Variants in ACAP1 observed in about 807,000 individuals in gnomAD.
ACAP1 encodes ArfGAP with coiled-coil, ankyrin repeat and PH domains 1.
Under a neutral mutation model 98.8 loss-of-function variants are expected in ACAP1, and 45 were observed. That is an observed-to-expected ratio of 0.46 (90% CI 0.36 to 0.58). The LOEUF (loss-of-function observed/expected upper bound fraction) is 0.58, where lower values mean the gene tolerates loss of function less well. Ranked by LOEUF, ACAP1 falls within the 20% of genes least tolerant of loss-of-function variation. The pLI is 0.00. For missense variants in ACAP1, 735 were observed against 971.4 expected (o/e 0.76, Z 3.24); for synonymous variants, 362 against 375.3 (o/e 0.96, Z 0.41).
At chr17:7,346,651 G>A in intron 12 of ACAP1, 157 bp from the exon 13 acceptor site, 1 of 1,144,324 alleles carries the variant, frequency 8.7e-7, no homozygotes, top group South Asian at 1.5e-5. Flanking sequence ...GGTACAGGGT[G>A]ATGGGGGATA....
Position 7,343,732 on chromosome 17 carries a change from G to T in ACAP1, c.555G>T (p.Lys185Asn). The change falls in exon 7 of 22, where the codon AAG becomes AAT. Residue 185 changes from lysine to asparagine, a missense_variant. By Grantham distance (94) the Lys-to-Asn change is moderately conservative. This residue lies in a region of ACAP1 where 430 missense variants were observed against 531.8 expected (regional missense o/e 0.81). Transcript: ENST00000158762. This position sits in a 1 kb window ranked among gnomAD's most constrained non-coding sequence, Gnocchi z 4.9. The stretch of plus-strand genomic sequence containing the variant: ...TCAACGTGATTGAGGACAAGAGGAA[G>T]TTTGACATCATGGAGTTTGTGAGTT... ...LQINVIEDKR[K>N]FDIMEFVLRL... 1.2e-6 allele frequency: 2 copies of T among 1,614,180 alleles called. No individual in the cohort carries two copies. Among genetic ancestry groups the T allele is most frequent in the Non-Finnish European group, 1.7e-6 (2 of 1,180,030 alleles).
At position 7,343,571 on chromosome 17, in the gene ACAP1, C is replaced by T. The variant is rs762258145; in HGVS notation, c.528+9C>T. On this transcript the variant is annotated intron_variant, in intron 6 of 21. Transcript: ENST00000158762. The surrounding 1 kb of genome is among the most constrained non-coding windows in gnomAD (Gnocchi z 4.9). ...TGGATTATGCCCTGCAGGTGCCTGC[C>T]CCAATCTGTCTTCCTGGGGTACCAG... The T allele has an allele frequency of 1.5e-5, 24 of 1,607,400 alleles. No homozygotes were observed. In the South Asian group the frequency reaches 2.5e-4, roughly 17 times the overall value.
At chr17:7,348,769 C>A in intron 17 of ACAP1, 1 of 588,718 alleles carries the variant, frequency 1.7e-6, no homozygotes, top group Non-Finnish European at 2.9e-6. Context: ...TGTGGTTGGA[C>A]CAGATGAGGT....
intron 14 of ACAP1, 158 bp from the exon 15 acceptor site, chr17:7,347,764 T>C (rs996666269): frequency 6.3e-6 from 4 of 634,510 alleles, no homozygotes; most frequent in African/African-American, 1.8e-5. Flanking sequence ...CAAGGCTACA[T>C]GGCGGTTACA....
intron 18 of ACAP1, 170 bp from the exon 19 acceptor site, chr17:7,349,775 A>G: frequency 1.7e-6 from 1 of 575,102 alleles, no homozygotes; most frequent in Non-Finnish European, 3.1e-6. Context: ...GAATACATGC[A>G]AAGAGCTAGA....
intron 2 of ACAP1, among the ~76,000 whole-genome samples, chr17:7,339,351 C>A (rs765703994): frequency 4.6e-5 from 7 of 152,074 alleles, no homozygotes; most frequent in Non-Finnish European, 1.0e-4. Flanking sequence ...TGGCTCACGC[C>A]TGTAATCCCA....
chr17:7,337,501 G>C, intron 2 of ACAP1, 132 bp downstream of exon 2: 1 of 803,766 alleles, frequency 1.2e-6, no homozygotes, highest in Non-Finnish European at 2.0e-6. Flanking sequence ...TTTGGAGACT[G>C]CAGAGAAGCA....
Position 7,341,945 on chromosome 17 carries a change from C to A in ACAP1, c.112-3C>A. The A allele has an allele frequency of 6.2e-7, 1 of 1,614,110 alleles. No homozygotes were observed. The highest frequency in any genetic ancestry group is 1.1e-5 in the South Asian group (1 of 91,074). On this transcript the variant is annotated splice_region_variant and splice_polypyrimidine_tract_variant and intron_variant, in intron 2 of 21. Coordinates refer to ENST00000158762, the MANE Select transcript of ACAP1 (RefSeq NM_014716.4). Reference sequence around the variant, plus strand: ...GCTCCCTGTTACCCTCCTTCTTTCCCAGCTCCTGAAACTGGGCACTGGTCT... The same window carrying A: ...GCTCCCTGTTACCCTCCTTCTTTCCAAGCTCCTGAAACTGGGCACTGGTCT...
chr17:7,350,835 C>T lies in ACAP1; in HGVS notation c.2073-115C>T. 1 of 1,000,986 alleles carries T rather than the reference C, an allele frequency of 1.0e-6. No individual in the cohort carries two copies. The highest frequency in any genetic ancestry group is 1.6e-6 in the Non-Finnish European group (1 of 642,428). The allele number at this position is 1,000,986 out of a possible 1,614,324, so 62.0% of individuals were successfully genotyped here. On this transcript the variant is annotated intron_variant, in intron 20 of 21. Coordinates refer to ENST00000158762, the MANE Select transcript of ACAP1 (RefSeq NM_014716.4). The surrounding 1 kb of genome is among the most constrained non-coding windows in gnomAD (Gnocchi z 4.6). Reference sequence around the variant, plus strand: ...CCATGTTGGCCAGGACGGTCTCGATCTCCTGACCTCGTGATCCGCCTGCCT... The same window carrying T: ...CCATGTTGGCCAGGACGGTCTCGATTTCCTGACCTCGTGATCCGCCTGCCT...
At chr17:7,349,407 G>A (rs1363823598) in intron 18 of ACAP1, 5 of 448,428 alleles carry the variant, frequency 1.1e-5, no homozygotes, top group Non-Finnish European at 2.0e-5. Flanking sequence ...AGACAGTCTC[G>A]CTCTGTCCCC....
chr17:7,342,768 C>T (rs1163674740), intron 5 of ACAP1: 13 of 445,254 alleles, frequency 2.9e-5, no homozygotes. Context: ...ATTAGCCGGG[C>T]ATGGTGGCAG....
rs778136717 is a variant in ACAP1, at chr17:7,343,821, G to A, written c.574-40G>A. On this transcript the variant is annotated intron_variant, in intron 7 of 21. Coordinates refer to ENST00000158762, the MANE Select transcript of ACAP1 (RefSeq NM_014716.4). This position sits in a 1 kb window ranked among gnomAD's most constrained non-coding sequence, Gnocchi z 4.9. ...CCAGCACAAGGGAATGGGGAGAGGGGTTCTTCCTCAGCCTTCCCACTGCCC... is the reference window on the plus strand; with the variant it reads ...CCAGCACAAGGGAATGGGGAGAGGGATTCTTCCTCAGCCTTCCCACTGCCC... 6.2e-7 allele frequency: 1 copy of A among 1,613,708 alleles called. No individual in the cohort carries two copies. Among genetic ancestry groups the A allele is most frequent in the South Asian group, 1.1e-5 (1 of 91,082 alleles).
At chr17:7,349,417 C>T (rs1170973642) in intron 18 of ACAP1, 3 of 427,192 alleles carry the variant, frequency 7.0e-6, no homozygotes, top group Admixed American at 3.9e-5. Context: ...GCTCTGTCCC[C>T]CAGGCTGGAG....
chr17:7,346,525 T>C, intron 12 of ACAP1, 34 bp downstream of exon 12: 1 of 1,520,656 alleles, frequency 6.6e-7, no homozygotes, highest in Non-Finnish European at 8.9e-7. Flanking sequence ...TACTCTAATA[T>C]ATCTAAACAA....
In ACAP1 at chr17:7,342,054, A is replaced by T. The variant is rs2143016492; in HGVS notation, c.218A>T (p.Glu73Val). 1 of 1,613,932 alleles carries T rather than the reference A, an allele frequency of 6.2e-7. No homozygotes were observed. Among genetic ancestry groups the T allele is most frequent in the East Asian group, 2.2e-5 (1 of 44,884 alleles). ...GACCTGGCCCGCCTGGGTCCACCAG[A>T]GCCCATGATGGCGGTATGCGGAGGG... ...ICDLARLGPP[E>V]PMMAECLEKF... The change falls in exon 3 of 22, where the codon GAG becomes GTG. Residue 73 changes from glutamate (E) to valine (V), a missense_variant. Coordinates refer to ENST00000158762, the MANE Select transcript of ACAP1 (RefSeq NM_014716.4).
In ACAP1 at chr17:7,346,948, G is replaced by A. The variant is rs200413191; in HGVS notation, c.1131+17G>A. 911 of 1,604,416 alleles carry A rather than the reference G, an allele frequency of 5.7e-4. 2 individuals are homozygous for A. The highest frequency in any genetic ancestry group is 6.4e-4 in the Non-Finnish European group (747 of 1,173,648). ...CCAGGCCAGGTACCTTAACCTGGGG[G>A]TGCGGAGCCAGGCTGCCTGTGGAGA... On this transcript the variant is annotated intron_variant, in intron 13 of 21. Coordinates refer to ENST00000158762, the MANE Select transcript of ACAP1 (RefSeq NM_014716.4).
intron 10 of ACAP1, 36 bp from the exon 11 acceptor site, chr17:7,346,208 G>C (rs946517492): frequency 2.5e-6 from 4 of 1,606,872 alleles, no homozygotes; most frequent in Non-Finnish European, 3.4e-6. Flanking sequence ...TCATCCTAAA[G>C]CTGCCTATGT....
chr17:7,344,529 G>C lies in ACAP1; in HGVS notation c.745-10G>C, dbSNP rs753917000. 1 of 1,549,020 alleles carries C rather than the reference G, an allele frequency of 6.5e-7. No homozygotes were observed. The highest frequency in any genetic ancestry group is 1.2e-5 in the South Asian group (1 of 83,980). ...ATCTCAGTTGCCCTTTGATCCTCTT[G>C]TGCCTCCAGGAGCTGGGTGGGGAGG... is the stretch of plus-strand genomic sequence containing the variant. On this transcript the variant is annotated splice_polypyrimidine_tract_variant and intron_variant, in intron 9 of 21. Transcript: ENST00000158762. The surrounding 1 kb of genome is among the most constrained non-coding windows in gnomAD (Gnocchi z 4.9).
Position 7,350,615 on chromosome 17 carries a change from T to C in ACAP1, c.2073-335T>C, listed in dbSNP as rs2143018742. 2.8e-6 allele frequency: 1 copy of C among 360,952 alleles called. No homozygotes were observed. The highest frequency in any genetic ancestry group is 3.2e-5 in the South Asian group (1 of 30,902). The allele number at this position is 360,952 out of a possible 1,614,324, so 22.4% of individuals were successfully genotyped here. On this transcript the variant is annotated intron_variant, in intron 20 of 21. Coordinates refer to ENST00000158762, the MANE Select transcript of ACAP1 (RefSeq NM_014716.4). This position sits in a 1 kb window ranked among gnomAD's most constrained non-coding sequence, Gnocchi z 4.6. ...TGTGGGGGAGGTGAGGATAGTCTTT[T>C]TTTTTTTTTTTGAGACGGAGTCTCA... is the stretch of plus-strand genomic sequence containing the variant.
Sources: allele counts gnomAD v4.1 joint callset (sites outside exome capture counted in the v4.1 genomes callset), GRCh38; gene constraint gnomAD v4.1.1; regional missense constraint gnomAD v4.1.1; non-coding constraint Gnocchi (gnomAD v3.1); transcripts MANE v1.5; gene names NCBI Gene and HGNC (gene_info 2026-07-23, HGNC 2026-07-21).